The following CARMIL1 variants were observed in gnomAD, a reference collection of about 807,000 sequenced individuals.
The protein encoded by CARMIL1 is F-actin-uncapping protein LRRC16A.
A neutral mutation model predicts 177.1 loss-of-function variants in CARMIL1; 90 were observed. The ratio of observed to expected loss-of-function variants is 0.51; its 90% CI spans 0.43 to 0.61. The LOEUF (loss-of-function observed/expected upper bound fraction) is 0.61, where lower values mean the gene tolerates loss of function less well. Ranked by LOEUF, CARMIL1 falls within the 20% of genes least tolerant of loss-of-function variation. The pLI is 0.00. For missense variants in CARMIL1, 1,380 were observed against 1,667.0 expected (o/e 0.83, Z 3.00); for synonymous variants, 577 against 606.2 (o/e 0.95, Z 0.71).
intron 31 of CARMIL1, among the ~76,000 whole-genome samples, chr6:25,590,378 C>T (rs1814175520): frequency 6.6e-6 from 1 of 151,994 alleles, no homozygotes. Flanking sequence ...CTAGGCTTTG[C>T]TAATATTTTA....
At chr6:25,397,737 TC>T (rs1793542849) in intron 2 of CARMIL1, among the ~76,000 whole-genome samples, 1 of 152,284 alleles carries the variant, frequency 6.6e-6, no homozygotes, top group South Asian at 2.1e-4. Flanking sequence ...TATAGTTTCT[TC>T]CTTGGGACAT....
chr6:25,454,853 G>A lies in CARMIL1; in HGVS notation c.614+4142G>A, dbSNP rs535752400. ...CAGTCTGCACTTAAATGGTACAGTT[G>A]TAGGATTCATTGTGGCATAAGTTGA... On this transcript the variant is annotated intron_variant, in intron 8 of 36. Coordinates refer to ENST00000329474, the MANE Select transcript of CARMIL1 (RefSeq NM_017640.6). 1.1e-4 allele frequency among the ~76,000 whole-genome samples: 16 copies of A among 152,290 alleles called. No homozygotes were observed. The South Asian group carries it at 3.1e-3, about 30-fold the overall frequency.
intron 2 of CARMIL1, among the ~76,000 whole-genome samples, chr6:25,418,887 G>C (rs1795598495): frequency 1.3e-5 from 2 of 152,202 alleles, no homozygotes; most frequent in Admixed American, 6.5e-5. Flanking sequence ...CTCCCAGCCA[G>C]TGTCAGATTA....
intron 29 of CARMIL1, among the ~76,000 whole-genome samples, chr6:25,559,887 T>C (rs891875230): frequency 7.9e-5 from 12 of 152,194 alleles, no homozygotes; most frequent in Non-Finnish European, 1.8e-4. Flanking sequence ...CTGGTCCAAA[T>C]GTCAATTCCA....
At chr6:25,553,917 C>A in intron 27 of CARMIL1, 92 bp from the exon 28 acceptor site, 1 of 766,914 alleles carries the variant, frequency 1.3e-6, no homozygotes. Context: ...AATGGAATCA[C>A]AGTTGACCTT....
chr6:25,424,001 C>T (rs564556623), intron 3 of CARMIL1, among the ~76,000 whole-genome samples: 36 of 151,952 alleles, frequency 2.4e-4, no homozygotes, highest in Middle Eastern at 3.4e-3. Flanking sequence ...GAGCAAAGGC[C>T]TAATAAAAAT....
intron 2 of CARMIL1, among the ~76,000 whole-genome samples, chr6:25,305,439 G>A (rs1193224783): frequency 6.6e-6 from 1 of 152,066 alleles, no homozygotes; most frequent in Non-Finnish European, 1.5e-5. Context: ...GACAATCCAC[G>A]GGTTTTTTAG....
intron 33 of CARMIL1, among the ~76,000 whole-genome samples, chr6:25,602,001 G>A (rs926935503): frequency 1.3e-5 from 2 of 152,106 alleles, no homozygotes; most frequent in African/African-American, 4.8e-5. Context: ...AGTTCATCCC[G>A]GTGAGCCCTT....
At chr6:25,454,719 TC>T in intron 8 of CARMIL1, among the ~76,000 whole-genome samples, 1 of 152,350 alleles carries the variant, frequency 6.6e-6, no homozygotes, top group South Asian at 2.1e-4. Context: ...CTGTTCTCAG[TC>T]CTTTTAGATG....
intron 24 of CARMIL1, among the ~76,000 whole-genome samples, chr6:25,530,291 G>A (rs1407718943): frequency 6.6e-6 from 1 of 152,062 alleles, no homozygotes; most frequent in Non-Finnish European, 1.5e-5. Flanking sequence ...GTCGAGACAG[G>A]TGGATCACAG....
At chr6:25,574,747 ACATGTT>A (rs1282764324) in intron 29 of CARMIL1, among the ~76,000 whole-genome samples, 1 of 152,172 alleles carries the variant, frequency 6.6e-6, no homozygotes, top group African/African-American at 2.4e-5. Context: ...ATATTTTGAG[ACATGTT>A]CATGTTGCTA....
intron 2 of CARMIL1, among the ~76,000 whole-genome samples, chr6:25,312,128 G>A (rs2150208738): frequency 6.6e-6 from 1 of 152,288 alleles, no homozygotes; most frequent in East Asian, 1.9e-4. Flanking sequence ...TTGTCAAGGT[G>A]AAGGATTAAA....
intron 4 of CARMIL1, among the ~76,000 whole-genome samples, chr6:25,427,763 G>A (rs1444582927): frequency 1.2e-4 from 19 of 152,150 alleles, no homozygotes; most frequent in Admixed American, 1.2e-3. Flanking sequence ...CAAGTATGTA[G>A]TGCTTTTTCA....
intron 2 of CARMIL1, among the ~76,000 whole-genome samples, chr6:25,312,599 A>T (rs1283999673): frequency 2.0e-5 from 3 of 152,044 alleles, no homozygotes; most frequent in African/African-American, 7.2e-5. Flanking sequence ...GTGTCTCTTT[A>T]ATTGAGGTCA....
At chr6:25,406,345 G>A (rs1453281102) in intron 2 of CARMIL1, among the ~76,000 whole-genome samples, 1 of 152,218 alleles carries the variant, frequency 6.6e-6, no homozygotes, top group Non-Finnish European at 1.5e-5. Flanking sequence ...AGCAACAGAA[G>A]GCCAGTGTGG....
intron 8 of CARMIL1, among the ~76,000 whole-genome samples, chr6:25,459,266 C>CTTTCTTTCTTTTTTTTTTTT: frequency 1.4e-5 from 1 of 73,754 alleles, no homozygotes; most frequent in Non-Finnish European, 2.9e-5. Flanking sequence ...TTCTTTCTTT[C>CTTTCTTTCTTTTTTTTTTTT]TTTTTTTTTT....
At chr6:25,550,233 A>G (rs1291476162) in intron 26 of CARMIL1, among the ~76,000 whole-genome samples, 1 of 152,224 alleles carries the variant, frequency 6.6e-6, no homozygotes, top group Non-Finnish European at 1.5e-5. Context: ...ATGTGCAGAA[A>G]CATTTTTCAA....
At chr6:25,459,273 T>TCTTTCTTTCTTCCTTTCTTCCTTTCTTCC (rs1390647134) in intron 8 of CARMIL1, among the ~76,000 whole-genome samples, 1 of 132,758 alleles carries the variant, frequency 7.5e-6, no homozygotes, top group South Asian at 2.4e-4. Context: ...TTTCTTTTTT[T>TCTTTCTTTCTTCCTTTCTTCCTTTCTTCC]TTTTTTTAAG....
chr6:25,412,790 T>C (rs1795033840), intron 2 of CARMIL1, among the ~76,000 whole-genome samples: 1 of 152,172 alleles, frequency 6.6e-6, no homozygotes, highest in South Asian at 2.1e-4. Flanking sequence ...TGGGTTTGAC[T>C]TATAAGCTGT....
Sources: gnomAD v4.1 joint callset for allele counts (sites outside exome capture counted in the v4.1 genomes callset) on GRCh38, gnomAD v4.1.1 for gene constraint, MANE v1.5 for transcripts, NCBI Gene and HGNC (gene_info 2026-07-23, HGNC 2026-07-21) for gene names.